The following NELL1 variants were observed in gnomAD, a reference collection of about 807,000 sequenced individuals.
NELL1 encodes protein kinase C-binding protein NELL1.
NELL1 carries 76 observed loss-of-function variants against 107.4 expected under a neutral mutation model. The observed-to-expected ratio is 0.71, with a 90% CI of 0.59 to 0.86. NELL1 has a LOEUF of 0.86. Among genes scored for constraint, NELL1 ranks in the 40% least tolerant of loss-of-function variants. The pLI is 0.00. For missense variants in NELL1, 1,024 were observed against 1,005.5 expected (o/e 1.02, Z -0.25); for synonymous variants, 353 against 341.2 (o/e 1.03, Z -0.38).
chr11:21,538,661 G>A (rs1856208352), intron 16 of NELL1, among the ~76,000 whole-genome samples: 1 of 152,120 alleles, frequency 6.6e-6, no homozygotes, highest in African/African-American at 2.4e-5. Context: ...TTGATGCAGT[G>A]GTAGGAGTCA....
At chr11:21,288,906 T>A (rs1401495692) in intron 14 of NELL1, among the ~76,000 whole-genome samples, 3 of 152,118 alleles carry the variant, frequency 2.0e-5, no homozygotes, top group Non-Finnish European at 4.4e-5. Context: ...ATGTGGTATG[T>A]GGTATTTTGA....
chr11:21,470,772 G>A (rs571899711), intron 15 of NELL1, among the ~76,000 whole-genome samples: 1 of 152,176 alleles, frequency 6.6e-6, no homozygotes, highest in South Asian at 2.1e-4. Context: ...CTGATTCATA[G>A]GATGCACTGT....
intron 6 of NELL1, among the ~76,000 whole-genome samples, chr11:20,918,966 T>A (rs965104237): frequency 2.6e-5 from 4 of 152,066 alleles, no homozygotes; most frequent in Non-Finnish European, 5.9e-5. Flanking sequence ...TTCACATTTT[T>A]TAAGTTACCT....
intron 9 of NELL1, among the ~76,000 whole-genome samples, chr11:20,931,478 T>TGTTA (rs1431603206): frequency 1.2e-4 from 18 of 152,296 alleles, no homozygotes; most frequent in African/African-American, 4.1e-4. Context: ...GTAATGCATA[T>TGTTA]GTTAGTTAGT....
chr11:20,986,147 C>T (rs1238624271), intron 12 of NELL1, among the ~76,000 whole-genome samples: 1 of 152,134 alleles, frequency 6.6e-6, no homozygotes, highest in Non-Finnish European at 1.5e-5. Flanking sequence ...CTACCCTCCG[C>T]TCCCTTTTGT....
intron 4 of NELL1, among the ~76,000 whole-genome samples, chr11:20,873,727 G>T (rs1034827802): frequency 7.9e-5 from 12 of 150,974 alleles, no homozygotes; most frequent in Non-Finnish European, 1.8e-4. Flanking sequence ...ATCTTTCCCT[G>T]GCTGATGCTG....
At chr11:21,475,548 G>A (rs1854308876) in intron 15 of NELL1, among the ~76,000 whole-genome samples, 1 of 152,296 alleles carries the variant, frequency 6.6e-6, no homozygotes, top group South Asian at 2.1e-4. Context: ...GGAGCTTTGA[G>A]TTTGATTCCT....
Position 21,170,064 on chromosome 11 carries a change from G to A in NELL1, c.1426+56350G>A. 1.5e-5 allele frequency: 16 copies of A among 1,074,880 alleles called. No homozygotes were observed. In the South Asian group the frequency reaches 2.0e-4, roughly 13 times the overall value. The allele number at this position is 1,074,880 out of a possible 1,614,324, so 66.6% of individuals were successfully genotyped here. ...GACCACATCCCTGAGCCTGAACCCA[G>A]CCTCTTGGAGTCCAAGTTCTTTGAA... is the stretch of plus-strand genomic sequence containing the variant. On this transcript the variant is annotated intron_variant, in intron 13 of 19. Coordinates refer to ENST00000357134, the MANE Select transcript of NELL1 (RefSeq NM_006157.5).
intron 15 of NELL1, among the ~76,000 whole-genome samples, chr11:21,379,584 A>G (rs1851562418): frequency 6.6e-6 from 1 of 152,116 alleles, no homozygotes; most frequent in African/African-American, 2.4e-5. Flanking sequence ...AAAATAATAC[A>G]TTTAAATTAT....
At position 21,564,699 on chromosome 11, in the gene NELL1, G is replaced by A. The variant is rs142286245; in HGVS notation, c.1980+4317G>A. 4.9e-3 allele frequency among the ~76,000 whole-genome samples: 747 copies of A among 151,920 alleles called. 8 individuals are homozygous for A. The highest frequency in any genetic ancestry group is 0.017 in the Middle Eastern group (5 of 294). ...AGTGTTAGTTCTTGAGTTTTTCTGGGGTTTAGAGATGAGTAGGGAAAGGGA... is the reference window on the plus strand; with the variant it reads ...AGTGTTAGTTCTTGAGTTTTTCTGGAGTTTAGAGATGAGTAGGGAAAGGGA... On this transcript the variant is annotated intron_variant, in intron 17 of 19. Transcript: ENST00000357134.
At position 20,947,447 on chromosome 11, in the gene NELL1, T is replaced by G. The variant is rs1295350770; in HGVS notation, c.1171+12T>G. On this transcript the variant is annotated intron_variant, in intron 11 of 19. Coordinates refer to ENST00000357134, the MANE Select transcript of NELL1 (RefSeq NM_006157.5). ...CCGTGTCTGTAGAGGTAAGTGGGCTTGGTGGTGGGCCATGCGTGGGGTGAG... is the reference window on the plus strand; with the variant it reads ...CCGTGTCTGTAGAGGTAAGTGGGCTGGGTGGTGGGCCATGCGTGGGGTGAG... 3.7e-6 allele frequency: 6 copies of G among 1,606,318 alleles called. No individual in the cohort carries two copies. Among genetic ancestry groups the G allele is most frequent in the Non-Finnish European group, 4.3e-6 (5 of 1,173,030 alleles).
At chr11:20,935,087 CA>C (rs1442460328) in intron 9 of NELL1, among the ~76,000 whole-genome samples, 1 of 152,154 alleles carries the variant, frequency 6.6e-6, no homozygotes, top group Non-Finnish European at 1.5e-5. Flanking sequence ...TTATTACTCT[CA>C]ATAAATCCTA....
rs578199270 is a variant in NELL1, at chr11:21,096,533, C to G, written c.1301-17056C>G. On this transcript the variant is annotated intron_variant, in intron 12 of 19. Coordinates refer to ENST00000357134, the MANE Select transcript of NELL1 (RefSeq NM_006157.5). ...CCATCTGCTTATAACACCTGTTATC[C>G]CTTCTAATTGCTGTCAGTGACAAAT... Among the ~76,000 whole-genome samples the G allele has an allele frequency of 5.3e-5, 8 of 152,246 alleles. No homozygotes were observed. The South Asian group carries it at 1.7e-3, about 32-fold the overall frequency.
intron 12 of NELL1, among the ~76,000 whole-genome samples, chr11:20,982,376 C>T (rs2134245558): frequency 6.6e-6 from 1 of 152,232 alleles, no homozygotes; most frequent in Middle Eastern, 3.4e-3. Flanking sequence ...TTCAGTTTTG[C>T]AGATGAGGGA....
At chr11:21,340,955 T>C (rs1850550475) in intron 14 of NELL1, among the ~76,000 whole-genome samples, 1 of 152,188 alleles carries the variant, frequency 6.6e-6, no homozygotes, top group Non-Finnish European at 1.5e-5. Flanking sequence ...ACCATACTTC[T>C]CACATTCTCT....
intron 15 of NELL1, among the ~76,000 whole-genome samples, chr11:21,478,484 C>T (rs1854405061): frequency 1.3e-5 from 2 of 152,044 alleles, no homozygotes; most frequent in Non-Finnish European, 2.9e-5. Context: ...AAGGCAAGTC[C>T]CTTCTCCCTG....
intron 13 of NELL1, among the ~76,000 whole-genome samples, chr11:21,162,912 G>C (rs1465418672): frequency 1.3e-5 from 2 of 152,152 alleles, no homozygotes; most frequent in Non-Finnish European, 2.9e-5. Flanking sequence ...ATCACAGCTG[G>C]TATATACCCA....
intron 12 of NELL1, among the ~76,000 whole-genome samples, chr11:20,971,577 GC>G (rs1182154757): frequency 6.6e-6 from 1 of 152,128 alleles, no homozygotes; most frequent in African/African-American, 2.4e-5. Flanking sequence ...GTTACTGCCT[GC>G]CGTGACTCAG....
At chr11:20,687,458 A>G (rs1256494112) in intron 2 of NELL1, among the ~76,000 whole-genome samples, 1 of 152,020 alleles carries the variant, frequency 6.6e-6, no homozygotes, top group Admixed American at 6.6e-5. Flanking sequence ...TTGACATTTT[A>G]TGAATGGCTA....
Sources: allele counts gnomAD v4.1 joint callset (sites outside exome capture counted in the v4.1 genomes callset), GRCh38; gene constraint gnomAD v4.1.1; transcripts MANE v1.5; gene names NCBI Gene and HGNC (gene_info 2026-07-23, HGNC 2026-07-21).